Variants in PRDM5 observed in about 807,000 individuals in gnomAD.
PRDM5 encodes PR domain zinc finger protein 5.
Under a neutral mutation model 81.2 loss-of-function variants are expected in PRDM5, and 56 were observed. The observed-to-expected ratio is 0.69, with a 90% CI of 0.56 to 0.86. PRDM5 has a LOEUF of 0.86. Among genes scored for constraint, PRDM5 ranks in the 40% least tolerant of loss-of-function variants. The pLI, the probability that PRDM5 is intolerant of heterozygous loss-of-function variation, is 0.00. For synonymous variants in PRDM5, 267 were observed against 256.4 expected (o/e 1.04, Z -0.39); for missense variants, 697 against 770.1 (o/e 0.91, Z 1.12).
intron 3 of PRDM5, among the ~76,000 whole-genome samples, chr4:120,845,080 T>C (rs1163224016): frequency 6.6e-6 from 1 of 152,188 alleles, no homozygotes; most frequent in Non-Finnish European, 1.5e-5. Flanking sequence ...GAAGAAAGGC[T>C]GGATGCTAGC....
At chr4:120,766,023 G>C (rs1194752817) in intron 13 of PRDM5, among the ~76,000 whole-genome samples, 1 of 148,120 alleles carries the variant, frequency 6.8e-6, no homozygotes, top group Non-Finnish European at 1.5e-5. Flanking sequence ...GCAATGGCAC[G>C]ATCTCAGCTC....
intron 2 of PRDM5, among the ~76,000 whole-genome samples, chr4:120,885,221 TAGG>T (rs1021635490): frequency 1.3e-5 from 2 of 150,222 alleles, no homozygotes; most frequent in African/African-American, 4.9e-5. Context: ...GGAGATCTAC[TAGG>T]AGAAGAAGAT....
chr4:120,884,192 C>A (rs893352160), intron 2 of PRDM5, among the ~76,000 whole-genome samples: 3 of 152,010 alleles, frequency 2.0e-5, no homozygotes, highest in African/African-American at 7.2e-5. Context: ...TAGAAATGCA[C>A]ACAAAAATAT....
chr4:120,784,263 C>G (rs192729690), intron 11 of PRDM5, among the ~76,000 whole-genome samples: 4 of 151,960 alleles, frequency 2.6e-5, no homozygotes, highest in Admixed American at 6.6e-5. Flanking sequence ...TAAGTGTAGG[C>G]GTTAGACTTT....
intron 2 of PRDM5, among the ~76,000 whole-genome samples, chr4:120,899,034 T>G (rs1764961737): frequency 6.6e-6 from 1 of 152,184 alleles, no homozygotes; most frequent in South Asian, 2.1e-4. Flanking sequence ...AGAATCCTTA[T>G]TCTCCTTTTT....
chr4:120,837,586 A>T (rs1361161835), intron 3 of PRDM5: 2 of 152,254 alleles, frequency 1.3e-5, no homozygotes, highest in Non-Finnish European at 2.9e-5. Context: ...TACTTACAAA[A>T]GTTTAATATA....
At position 120,913,061 on chromosome 4, in the gene PRDM5, T is replaced by C. The variant is rs1274895456; in HGVS notation, c.94-5504A>G. On this transcript the variant is annotated intron_variant, in intron 1 of 15. Transcript: ENST00000264808. The stretch of plus-strand genomic sequence containing the variant: ...GTCTGAGGCAGACTAGTTGCCTCCC[T>C]ATATCCATTCCCATTAGTACTAGAA... Among the ~76,000 whole-genome samples the C allele has an allele frequency of 2.0e-5, 3 of 152,360 alleles. No homozygotes were observed. In the East Asian group the frequency reaches 5.8e-4, roughly 29 times the overall value.
intron 2 of PRDM5, among the ~76,000 whole-genome samples, chr4:120,861,636 AAAAATAC>A (rs1760591069): frequency 6.6e-6 from 1 of 151,846 alleles, no homozygotes; most frequent in Non-Finnish European, 1.5e-5. Flanking sequence ...TGTCTCTACT[AAAAATAC>A]AAAAATTGGC....
intron 14 of PRDM5, among the ~76,000 whole-genome samples, chr4:120,716,053 G>C (rs1400526819): frequency 6.6e-6 from 1 of 152,086 alleles, no homozygotes; most frequent in Non-Finnish European, 1.5e-5. Flanking sequence ...GGGCTTTGCA[G>C]TTATCACAAG....
intron 2 of PRDM5, among the ~76,000 whole-genome samples, chr4:120,886,902 T>C (rs1763495634): frequency 6.6e-6 from 1 of 152,058 alleles, no homozygotes; most frequent in South Asian, 2.1e-4. Flanking sequence ...TCCACTCATA[T>C]AGCTTAAGCC....
chr4:120,863,175 A>AATATAT (rs1553997142), intron 2 of PRDM5, among the ~76,000 whole-genome samples: 1 of 60,668 alleles, frequency 1.6e-5, no homozygotes, highest in African/African-American at 6.3e-5. Context: ...AAAAAAAAAA[A>AATATAT]ATATATATAT....
chr4:120,860,902 A>G (rs1445818315), intron 2 of PRDM5, among the ~76,000 whole-genome samples: 1 of 152,242 alleles, frequency 6.6e-6, no homozygotes, highest in Non-Finnish European at 1.5e-5. Flanking sequence ...GCAACGATTC[A>G]TAAGACTTTA....
intron 11 of PRDM5, among the ~76,000 whole-genome samples, chr4:120,781,521 TG>T (rs1749033534): frequency 6.6e-6 from 1 of 152,176 alleles, no homozygotes; most frequent in African/African-American, 2.4e-5. Flanking sequence ...TCTTCTCAAC[TG>T]GAAAACGTGG....
chr4:120,850,651 A>T (rs1024462049), intron 3 of PRDM5, among the ~76,000 whole-genome samples: 7 of 152,118 alleles, frequency 4.6e-5, no homozygotes, highest in Non-Finnish European at 8.8e-5. Context: ...TGGCTTCTGA[A>T]CATACTTAGA....
At chr4:120,708,154 C>A (rs918841157) in intron 15 of PRDM5, among the ~76,000 whole-genome samples, 6 of 152,092 alleles carry the variant, frequency 3.9e-5, no homozygotes, top group Non-Finnish European at 8.8e-5. Context: ...TAGGTATATA[C>A]CCCAAATAAT....
chr4:120,710,207 A>T, intron 15 of PRDM5, 102 bp downstream of exon 15: 1 of 866,690 alleles, frequency 1.2e-6, no homozygotes, highest in Non-Finnish European at 1.8e-6. Context: ...CAGCAATGCA[A>T]CACACACACA....
chr4:120,699,360 C>T (rs970406788), intron 15 of PRDM5, among the ~76,000 whole-genome samples: 3 of 151,580 alleles, frequency 2.0e-5, no homozygotes, highest in African/African-American at 7.3e-5. Context: ...TTTCAATCTG[C>T]ATTTCTGTAC....
chr4:120,914,819 G>T (rs1213022682), intron 1 of PRDM5, among the ~76,000 whole-genome samples: 1 of 152,172 alleles, frequency 6.6e-6, no homozygotes, highest in African/African-American at 2.4e-5. Flanking sequence ...ATACTATTCA[G>T]CCATAAAAAA....
intron 2 of PRDM5, among the ~76,000 whole-genome samples, chr4:120,879,824 T>C (rs1397358628): frequency 6.6e-6 from 1 of 151,402 alleles, no homozygotes; most frequent in Non-Finnish European, 1.5e-5. Flanking sequence ...GGCAAAACTA[T>C]GGAGATAGTT....
Sources: gnomAD v4.1 joint callset for allele counts (sites outside exome capture counted in the v4.1 genomes callset) on GRCh38, gnomAD v4.1.1 for gene constraint, MANE v1.5 for transcripts, NCBI Gene and HGNC (gene_info 2026-07-23, HGNC 2026-07-21) for gene names.